Variants in IRF2BP2 observed in about 807,000 individuals in gnomAD.
The protein encoded by IRF2BP2 is interferon regulatory factor 2 binding protein 2, also known as interferon regulatory factor 2-binding protein 2.
IRF2BP2 carries 13 observed loss-of-function variants against 32.7 expected under a neutral mutation model. The ratio of observed to expected loss-of-function variants is 0.40; its 90% CI spans 0.26 to 0.63. The LOEUF (loss-of-function observed/expected upper bound fraction) is 0.63. Among genes scored for constraint, IRF2BP2 ranks in the 30% least tolerant of loss-of-function variants. The pLI is 0.42. For synonymous variants in IRF2BP2, 555 were observed against 384.6 expected, an observed-to-expected ratio of 1.44 and a Z score of -5.18; for missense variants, 980 against 830.6, an observed-to-expected ratio of 1.18 and a Z score of -2.21.
In IRF2BP2 at chr1:234,605,738, A is replaced by AC. The variant is rs1672143752; in HGVS notation, c.*1398dup. 1 of 152,166 alleles carries AC rather than the reference A, an allele frequency of 6.6e-6. No individual in the cohort carries two copies. Among genetic ancestry groups the AC allele is most frequent in the Non-Finnish European group, 1.5e-5 (1 of 68,032 alleles). 9.4% of individuals were successfully genotyped at this position (152,166 alleles called of 1,614,324 possible). ...TAAATCATAACAGCACAAAAGAAAA[A>AC]CCAGTATCACTGTGAGACAACTATT... On this transcript the variant is annotated 3_prime_UTR_variant, in exon 2 of 2. Transcript: ENST00000366609.
rs1672184334 is a variant in IRF2BP2 at position 234,607,069 on chromosome 1, G to A, written c.*68C>T. 6 of 987,170 alleles carry A rather than the reference G, an allele frequency of 6.1e-6. No homozygotes were observed. Among genetic ancestry groups the A allele is most frequent in the East Asian group, 2.4e-5 (1 of 41,782 alleles). 61.2% of individuals were successfully genotyped at this position (987,170 alleles called of 1,614,324 possible). On this transcript the variant is annotated 3_prime_UTR_variant, in exon 2 of 2. Transcript: ENST00000366609. ...CTTGTCTTGGATATATATATATATG[G>A]AGATATATATACAATTCAAGCAGTT...
In IRF2BP2 at chr1:234,607,624, G is replaced by C; in HGVS notation, c.1277C>G (p.Ala426Gly). The C allele has an allele frequency of 6.2e-7, 1 of 1,614,240 alleles. No homozygotes were observed. Among genetic ancestry groups the C allele is most frequent in the Non-Finnish European group, 8.5e-7 (1 of 1,180,028 alleles). ...EAAQNGQSPM[A>G]ALILVADNAG... is the part of the protein sequence containing the mutation. ...ATTGTCTGCTACTAAGATCAGGGCT[G>C]CCATGGGGGACTGGCCATTCTGGGC... Residue 426 changes from alanine (A) to glycine (G), a missense_variant, in exon 2 of 2, where the codon GCA becomes GGA. Physicochemically the swap from Ala to Gly is moderately conservative, Grantham distance 60. Transcript: ENST00000366609.
Position 234,607,234 on chromosome 1 carries a change from G to A in IRF2BP2, c.1667C>T (p.Pro556Leu), listed in dbSNP as rs1672189088. 1.2e-6 allele frequency: 2 copies of A among 1,614,066 alleles called. No individual in the cohort carries two copies. The highest frequency in any genetic ancestry group is 1.7e-6 in the Non-Finnish European group (2 of 1,180,042). The change falls in exon 2 of 2, where the codon CCT becomes CTT. Residue 556 changes from proline (P) to leucine (L), a missense_variant. Physicochemically the swap from Pro to Leu is moderately conservative, Grantham distance 98. Transcript: ENST00000366609. ...CCAGGGGACATTGGAGCCCACAAGA[G>A]GGCATTTTTCCCCACTGGGACAATA... ...EVYCPSGEKC[P>L]LVGSNVPWAF...
chr1:234,609,010 A>G lies in IRF2BP2; in HGVS notation c.485T>C (p.Phe162Ser). Residue 162 changes from phenylalanine to serine, a missense_variant, in exon 1 of 2, where the codon TTC becomes TCC. Transcript: ENST00000366609. The part of the protein sequence containing the change: ...PVNGILVPNG[F>S]SKLEEPPELN... ...CTCGGGCGGCTCCTCTAGCTTGGAG[A>G]AGCCGTTGGGCACCAGGATGCCGTT... 1 of 1,335,432 alleles carries G rather than the reference A, an allele frequency of 7.5e-7. No homozygotes were observed. The highest frequency in any genetic ancestry group is 9.5e-7 in the Non-Finnish European group (1 of 1,047,454). The allele number at this position is 1,335,432 out of a possible 1,614,324, so 82.7% of individuals were successfully genotyped here.
Position 234,606,385 on chromosome 1 carries a change from G to A in IRF2BP2, c.*752C>T, listed in dbSNP as rs2102767396. ...TTCCATCACTGGAATTGTATCTTAT[G>A]TAACCAACTAGCATGCAGCATTGTA... On this transcript the variant is annotated 3_prime_UTR_variant, in exon 2 of 2. Coordinates refer to ENST00000366609, the MANE Select transcript of IRF2BP2 (RefSeq NM_182972.3). 6.6e-6 allele frequency: 1 copy of A among 151,994 alleles called. No individual in the cohort carries two copies. Among genetic ancestry groups the A allele is most frequent in the Admixed American group, 6.6e-5 (1 of 15,266 alleles). 9.4% of individuals were successfully genotyped at this position (151,994 alleles called of 1,614,324 possible). A position where few individuals can be genotyped will look rare whatever the true frequency, so the allele number is the denominator to read the frequency against.
In IRF2BP2 at chr1:234,609,504, G is replaced by C; in HGVS notation, c.-10C>G. 1.4e-6 allele frequency: 2 copies of C among 1,454,760 alleles called. No homozygotes were observed. The highest frequency in any genetic ancestry group is 1.8e-6 in the Non-Finnish European group (2 of 1,096,420). 90.1% of individuals were successfully genotyped at this position (1,454,760 alleles called of 1,614,324 possible). ...CCACCGCCGCGGCCATGTCCGAGGA[G>C]CCCGCGACGCCGGAGGAGGAGGCGG... On this transcript the variant is annotated 5_prime_UTR_variant, in exon 1 of 2. Coordinates refer to ENST00000366609, the MANE Select transcript of IRF2BP2 (RefSeq NM_182972.3).
Position 234,608,553 on chromosome 1 carries a change from C to G in IRF2BP2, c.942G>C (p.Gln314His), listed in dbSNP as rs750838873. The G allele has an allele frequency of 5.0e-6, 8 of 1,609,762 alleles. No homozygotes were observed. Among genetic ancestry groups the G allele is most frequent in the Non-Finnish European group, 3.4e-6 (4 of 1,178,674 alleles). The change falls in exon 1 of 2, where the codon CAG becomes CAC. Residue 314 changes from glutamine to histidine, a missense_variant. Coordinates refer to ENST00000366609, the MANE Select transcript of IRF2BP2 (RefSeq NM_182972.3). ...TVRDTLLALH[Q>H]HGHSGPFESK... The stretch of plus-strand genomic sequence containing the variant: ...TCTCGAAGGGCCCCGAGTGGCCGTG[C>G]TGGTGCAGCGCCAGCAGCGTGTCGC...
intron 1 of IRF2BP2, chr1:234,608,171 A>G: frequency 1.9e-6 from 1 of 526,000 alleles, no homozygotes; most frequent in Non-Finnish European, 3.3e-6. Context: ...AATAGGTTAA[A>G]AGGTGACTGG....
rs767196892 is a variant in IRF2BP2 at position 234,608,560 on chromosome 1, A to G, written c.935T>C (p.Leu312Pro). 2 of 1,609,042 alleles carry G rather than the reference A, an allele frequency of 1.2e-6. No individual in the cohort carries two copies. Among genetic ancestry groups the G allele is most frequent in the South Asian group, 2.2e-5 (2 of 90,174 alleles). Residue 312 changes from leucine to proline, a missense_variant, in exon 1 of 2, where the codon CTG becomes CCG. Coordinates refer to ENST00000366609, the MANE Select transcript of IRF2BP2 (RefSeq NM_182972.3). ...GGGCCCCGAGTGGCCGTGCTGGTGC[A>G]GCGCCAGCAGCGTGTCGCGCACGGT... is the stretch of plus-strand genomic sequence containing the variant. Reference protein sequence around the residue: ...PKTVRDTLLALHQHGHSGPFE... With the variant: ...PKTVRDTLLAPHQHGHSGPFE...
At chr1:234,608,168 T>C (rs1672219279) in intron 1 of IRF2BP2, 2 of 525,026 alleles carry the variant, frequency 3.8e-6, no homozygotes, top group African/African-American at 1.9e-5. Flanking sequence ...CCCAATAGGT[T>C]AAAAGGTGAC....
In IRF2BP2 at chr1:234,608,947, G is replaced by C. The variant is rs1170052305; in HGVS notation, c.548C>G (p.Ala183Gly). 1 of 1,360,162 alleles carries C rather than the reference G, an allele frequency of 7.4e-7. No homozygotes were observed. The highest frequency in any genetic ancestry group is 9.4e-7 in the Non-Finnish European group (1 of 1,061,008). The allele number at this position is 1,360,162 out of a possible 1,614,324, so 84.3% of individuals were successfully genotyped here. ...RQSPNPRRGH[A>G]VPPTLVPLMN... Reference sequence around the variant, plus strand: ...GAGCGGCACCAGGGTGGGCGGCACCGCGTGGCCGCGCCGCGGGTTCGGGCT... The same window carrying C: ...GAGCGGCACCAGGGTGGGCGGCACCCCGTGGCCGCGCCGCGGGTTCGGGCT... Residue 183 changes from alanine to glycine, a missense_variant, in exon 1 of 2, where the codon GCG becomes GGG. Ala to Gly is a moderately conservative substitution (Grantham distance 60, BLOSUM62 0). Transcript: ENST00000366609.
chr1:234,608,835 C>G lies in IRF2BP2; in HGVS notation c.660G>C (p.Ala220=). The G allele has an allele frequency of 1.5e-6, 2 of 1,352,398 alleles. No homozygotes were observed. Among genetic ancestry groups the G allele is most frequent in the South Asian group, 1.9e-5 (1 of 53,006 alleles). The allele number at this position is 1,352,398 out of a possible 1,614,324, so 83.8% of individuals were successfully genotyped here. Residue 220 remains alanine (A), a synonymous_variant, in exon 1 of 2, where the codon GCG becomes GCC. Transcript: ENST00000366609. ...AASLAAVSGT[A]AASLGSAQPT... ...GCTGCGCGGAGCCCAGGCTGGCGGC[C>G]GCGGTTCCGGACACCGCGGCTAAGG...
In IRF2BP2 at chr1:234,607,123, T is replaced by C. The variant is rs1462072578; in HGVS notation, c.*14A>G. ...ATTAAGGGTAATCATTGGGTTTTTC[T>C]GAAACCGGAAAAGTCACGAGTCTCT... is the stretch of plus-strand genomic sequence containing the variant. On this transcript the variant is annotated 3_prime_UTR_variant, in exon 2 of 2. Transcript: ENST00000366609. 33 of 1,595,882 alleles carry C rather than the reference T, an allele frequency of 2.1e-5. No individual in the cohort carries two copies. Among genetic ancestry groups the C allele is most frequent in the Non-Finnish European group, 2.7e-5 (32 of 1,167,218 alleles).
At position 234,609,170 on chromosome 1, in the gene IRF2BP2, GCGGGGCCGCCT is replaced by G; in HGVS notation, c.314_324del (p.Glu105AlafsTer24). The G allele has an allele frequency of 7.8e-7, 1 of 1,275,576 alleles. No homozygotes were observed. The highest frequency in any genetic ancestry group is 9.9e-7 in the Non-Finnish European group (1 of 1,014,536). The allele number at this position is 1,275,576 out of a possible 1,614,324, so 79.0% of individuals were successfully genotyped here. ...TAGCGCTCCAAGGCCTGCGGCGCGC[GCGGGGCCGCCT>G]CGGGGCCGCCGTGGCCAAGCTGCTG... On this transcript the variant is annotated frameshift_variant, in exon 1 of 2. Coordinates refer to ENST00000366609, the MANE Select transcript of IRF2BP2 (RefSeq NM_182972.3). LOFTEE classifies it high-confidence loss of function.
rs939452165 is a variant in IRF2BP2, at chr1:234,607,006, C to A, written c.*131G>T. 1.3e-5 allele frequency: 9 copies of A among 715,786 alleles called. No individual in the cohort carries two copies. Among genetic ancestry groups the A allele is most frequent in the Admixed American group, 7.9e-5 (3 of 37,810 alleles). 44.3% of individuals were successfully genotyped at this position (715,786 alleles called of 1,614,324 possible). On this transcript the variant is annotated 3_prime_UTR_variant, in exon 2 of 2. Transcript: ENST00000366609. The stretch of plus-strand genomic sequence containing the variant: ...GAAACACAATGTATTCAAAAAAAAT[C>A]AAAATTATACAGCCATGTTTATGAA...
Position 234,606,603 on chromosome 1 carries a change from G to C in IRF2BP2, c.*534C>G, listed in dbSNP as rs1672167567. On this transcript the variant is annotated 3_prime_UTR_variant, in exon 2 of 2. Coordinates refer to ENST00000366609, the MANE Select transcript of IRF2BP2 (RefSeq NM_182972.3). ...ACTTTCCTACTCCTCTGAGGACAAT[G>C]TTTCAGGGTAAACTGGTGGTATTTC... 6.5e-6 allele frequency: 1 copy of C among 152,818 alleles called. No homozygotes were observed. Among genetic ancestry groups the C allele is most frequent in the African/African-American group, 2.4e-5 (1 of 41,450 alleles). 9.5% of individuals were successfully genotyped at this position (152,818 alleles called of 1,614,324 possible).
In IRF2BP2 at chr1:234,610,066, C is replaced by T. The variant is rs1476665133; in HGVS notation, c.-572G>A. ...GCCCCGGGTCGCTCCGCCGCTCTCTCACAGCTCCTGGCGTCGCCGCTCTCC... is the reference window on the plus strand; with the variant it reads ...GCCCCGGGTCGCTCCGCCGCTCTCTTACAGCTCCTGGCGTCGCCGCTCTCC... On this transcript the variant is annotated 5_prime_UTR_variant, in exon 1 of 2. Coordinates refer to ENST00000366609, the MANE Select transcript of IRF2BP2 (RefSeq NM_182972.3). Among the ~76,000 whole-genome samples the T allele has an allele frequency of 1.4e-5, 2 of 147,628 alleles. No homozygotes were observed. Among genetic ancestry groups the T allele is most frequent in the African/African-American group, 2.4e-5 (1 of 41,056 alleles).
In IRF2BP2 at chr1:234,607,960, C is replaced by T. The variant is rs549743254; in HGVS notation, c.1049-108G>A. ...CAAAAGTCGTTACAGAATTCCTCCT[C>T]TCTAAAAGCACAGACAGAAAATACT... is the stretch of plus-strand genomic sequence containing the variant. On this transcript the variant is annotated intron_variant, in intron 1 of 1. Coordinates refer to ENST00000366609, the MANE Select transcript of IRF2BP2 (RefSeq NM_182972.3). 2.7e-5 allele frequency: 23 copies of T among 866,790 alleles called. No individual in the cohort carries two copies. The South Asian group carries it at 3.3e-4, about 12-fold the overall frequency. 53.7% of individuals were successfully genotyped at this position (866,790 alleles called of 1,614,324 possible).
Position 234,608,862 on chromosome 1 carries a change from G to A in IRF2BP2, c.633C>T (p.Ala211=), listed in dbSNP as rs747749093. The part of the protein sequence containing the change: ...TALGLGGRAA[A]SLAAVSGTAA... ...CGGTTCCGGACACCGCGGCTAAGGA[G>A]GCGGCAGCGCGGCCGCCGAGGCCGA... The change falls in exon 1 of 2, where the codon GCC becomes GCT. Residue 211 remains alanine, a synonymous_variant. Coordinates refer to ENST00000366609, the MANE Select transcript of IRF2BP2 (RefSeq NM_182972.3). 1.1e-4 allele frequency: 142 copies of A among 1,321,910 alleles called. 1 individual carries two copies. The South Asian group carries it at 2.0e-3, about 19-fold the overall frequency. 81.9% of individuals were successfully genotyped at this position (1,321,910 alleles called of 1,614,324 possible).
Sources: gnomAD v4.1 joint callset for allele counts (sites outside exome capture counted in the v4.1 genomes callset) on GRCh38, gnomAD v4.1.1 for gene constraint, MANE v1.5 for transcripts, NCBI Gene and HGNC (gene_info 2026-07-23, HGNC 2026-07-21) for gene names.